The following DLC1 variants were observed in gnomAD, a reference collection of about 807,000 sequenced individuals.
DLC1 encodes the protein DLC1 Rho GTPase activating protein, also known as rho GTPase-activating protein 7.
In DLC1, 54 loss-of-function variants were observed where a neutral mutation model predicts 140.3. The ratio of observed to expected loss-of-function variants is 0.38; its 90% confidence interval spans 0.31 to 0.48. The LOEUF is 0.48. Ranked by LOEUF, DLC1 falls within the 20% of genes least tolerant of loss-of-function variation. The pLI, the probability that DLC1 is intolerant of heterozygous loss-of-function variation, is 0.96. For synonymous variants in DLC1, 986 were observed against 728.1 expected, an observed-to-expected ratio of 1.35 and a Z score of -5.70; for missense variants, 2,536 against 1,907.0, an observed-to-expected ratio of 1.33 and a Z score of -6.14.
chr8:13,391,569 G>C (rs1262512210), intron 4 of DLC1, among the ~76,000 whole-genome samples: 1 of 152,108 alleles, frequency 6.6e-6, no homozygotes, highest in East Asian at 1.9e-4. Context: ...TGTGAAAACT[G>C]ATGAGTTTAT....
At chr8:13,557,475 A>T (rs544899550) in intron 1 of DLC1, among the ~76,000 whole-genome samples, 3 of 152,286 alleles carry the variant, frequency 2.0e-5, no homozygotes, top group Non-Finnish European at 4.4e-5. Context: ...GTCCCTACCC[A>T]AATCTCATCT....
At chr8:13,583,211 T>C (rs1805177885) in intron 1 of DLC1, among the ~76,000 whole-genome samples, 1 of 152,196 alleles carries the variant, frequency 6.6e-6, no homozygotes, top group South Asian at 2.1e-4. Context: ...GATAGCATTT[T>C]ACCCAAAGGG....
In DLC1 at chr8:13,086,702, T is replaced by A. The variant is rs563988438; in HGVS notation, c.4293-239A>T. On this transcript the variant is annotated intron_variant, in intron 16 of 17. Coordinates refer to ENST00000276297, the MANE Select transcript of DLC1 (RefSeq NM_182643.3). The stretch of plus-strand genomic sequence containing the variant: ...TACAACAGTGTTGGGAGGTGGGGCC[T>A]AATGGGAGCTGGATTAATGCCAATT... Among the ~76,000 whole-genome samples, 3 of 152,252 alleles carry A rather than the reference T, an allele frequency of 2.0e-5. No individual in the cohort carries two copies. In the South Asian group the frequency reaches 6.2e-4, roughly 32 times the overall value.
chr8:13,175,950 A>G (rs1035209943), intron 5 of DLC1, among the ~76,000 whole-genome samples: 1 of 152,128 alleles, frequency 6.6e-6, no homozygotes, highest in Non-Finnish European at 1.5e-5. Flanking sequence ...ACAGAATGTT[A>G]TATAAACAGA....
intron 5 of DLC1, among the ~76,000 whole-genome samples, chr8:13,286,556 G>A (rs1287600881): frequency 6.6e-6 from 1 of 152,026 alleles, no homozygotes; most frequent in Non-Finnish European, 1.5e-5. Flanking sequence ...ATGAGAATAT[G>A]CTGTTTGTAT....
At chr8:13,200,761 T>G (rs1036183819) in intron 5 of DLC1, among the ~76,000 whole-genome samples, 1 of 152,036 alleles carries the variant, frequency 6.6e-6, no homozygotes, top group African/African-American at 2.4e-5. Flanking sequence ...CATGCCCAGC[T>G]GTTTCAAATT....
At position 13,257,936 on chromosome 8, in the gene DLC1, G is replaced by A. The variant is rs148368959; in HGVS notation, c.1348+47333C>T. On this transcript the variant is annotated intron_variant, in intron 5 of 17. Transcript: ENST00000276297. ...TGTTTTCTAGCTAGAAAAGTGCCTA[G>A]GAAATTATAAGCGGGAAGTCATCAA... Among the ~76,000 whole-genome samples the A allele has an allele frequency of 5.9e-3, 900 of 152,232 alleles. 7 individuals are homozygous for A. The highest frequency in any genetic ancestry group is 8.8e-3 in the Non-Finnish European group (597 of 68,026).
chr8:13,603,009 GA>G (rs1805938462), intron 1 of DLC1, among the ~76,000 whole-genome samples: 1 of 151,818 alleles, frequency 6.6e-6, no homozygotes, highest in Non-Finnish European at 1.5e-5. Flanking sequence ...ATTCTTTAGG[GA>G]TTTTACGTGG....
At chr8:13,531,032 G>A (rs1003088873) in intron 1 of DLC1, among the ~76,000 whole-genome samples, 1 of 152,004 alleles carries the variant, frequency 6.6e-6, no homozygotes, top group African/African-American at 2.4e-5. Context: ...GATAGGCTTA[G>A]TGGCTTCATA....
chr8:13,313,107 G>A (rs151231113), intron 4 of DLC1, among the ~76,000 whole-genome samples: 1 of 152,218 alleles, frequency 6.6e-6, no homozygotes, highest in African/African-American at 2.4e-5. Flanking sequence ...CTAAGGCAAC[G>A]TCCCTGCTGA....
intron 4 of DLC1, among the ~76,000 whole-genome samples, chr8:13,366,229 T>C (rs1481570458): frequency 4.6e-5 from 7 of 152,194 alleles, no homozygotes; most frequent in South Asian, 4.1e-4. Flanking sequence ...TAGGGCTTCC[T>C]ATTGTTCCTG....
chr8:13,413,277 T>TTTTTTTTTTTTTTTTG (rs1837880078), intron 2 of DLC1, among the ~76,000 whole-genome samples: 1 of 146,114 alleles, frequency 6.8e-6, no homozygotes, highest in Non-Finnish European at 1.5e-5. Flanking sequence ...TTTTTTTTTT[T>TTTTTTTTTTTTTTTTG]AGCTCATCAA....
chr8:13,556,963 C>G (rs913056095), intron 1 of DLC1, among the ~76,000 whole-genome samples: 4 of 152,134 alleles, frequency 2.6e-5, no homozygotes, highest in South Asian at 2.1e-4. Flanking sequence ...TCAGTTATGA[C>G]AGACAGTTAG....
In DLC1 at chr8:13,499,329, C is replaced by A. The variant is rs777668661; in HGVS notation, c.743G>T (p.Ser248Ile). The A allele has an allele frequency of 4.0e-5, 65 of 1,613,856 alleles. No individual in the cohort carries two copies. The highest frequency in any genetic ancestry group is 5.5e-5 in the Non-Finnish European group (65 of 1,180,002). ...PDPPKDENER[S>I]TCNVVQNEFL... ...CTCATTTTGTACTACATTGCAGGTG[C>A]TTCTTTCATTTTCATCTTTAGGGGG... Residue 248 changes from serine (S) to isoleucine (I), a missense_variant, in exon 2 of 18, where the codon AGC becomes ATC. Ser to Ile is a moderately radical substitution (Grantham distance 142). Coordinates refer to ENST00000276297, the MANE Select transcript of DLC1 (RefSeq NM_182643.3).
chr8:13,133,105 T>G, intron 5 of DLC1: 1 of 1,482,954 alleles, frequency 6.7e-7, no homozygotes, highest in Non-Finnish European at 9.0e-7. Flanking sequence ...CAACGCATCC[T>G]TGCTCGCCGC....
At chr8:13,136,752 C>T (rs1356558696) in intron 5 of DLC1, among the ~76,000 whole-genome samples, 2 of 152,154 alleles carry the variant, frequency 1.3e-5, no homozygotes, top group Non-Finnish European at 2.9e-5. Flanking sequence ...TCAGGCTGCT[C>T]TTGAACTCCT....
In DLC1 at chr8:13,363,348, C is replaced by T. The variant is rs554990894; in HGVS notation, c.1314+30205G>A. On this transcript the variant is annotated intron_variant, in intron 4 of 17. Coordinates refer to ENST00000276297, the MANE Select transcript of DLC1 (RefSeq NM_182643.3). ...GAGACTTAGTATATGTCATTGAATA[C>T]GTGAATGCTAAGCATTTGCAGTGTT... Among the ~76,000 whole-genome samples, 104 of 149,158 alleles carry T rather than the reference C, an allele frequency of 7.0e-4. 1 individual carries two copies. The highest frequency in any genetic ancestry group is 2.5e-3 in the African/African-American group (101 of 40,466).
intron 1 of DLC1, among the ~76,000 whole-genome samples, chr8:13,531,134 T>C (rs1230835568): frequency 2.0e-5 from 3 of 152,182 alleles, no homozygotes; most frequent in Non-Finnish European, 4.4e-5. Context: ...GGTTGTTTCC[T>C]GGAACTGAAT....
At chr8:13,335,913 G>T (rs910900763) in intron 4 of DLC1, among the ~76,000 whole-genome samples, 2 of 141,870 alleles carry the variant, frequency 1.4e-5, no homozygotes, top group African/African-American at 2.6e-5. Context: ...TGATTTTTTT[G>T]CAAGGAATAA....
Sources: gnomAD v4.1 joint callset for allele counts (sites outside exome capture counted in the v4.1 genomes callset) on GRCh38, gnomAD v4.1.1 for gene constraint, MANE v1.5 for transcripts, NCBI Gene and HGNC (gene_info 2026-07-23, HGNC 2026-07-21) for gene names.